C2orf74: variants seen among roughly 807,000 people sequenced by gnomAD.
C2orf74 encodes the protein uncharacterized protein C2orf74.
Under a neutral mutation model 17.9 loss-of-function variants are expected in C2orf74, and 14 were observed. That is an observed-to-expected ratio of 0.78 (90% CI 0.52 to 1.22). The LOEUF is 1.22. Among genes scored for constraint, C2orf74 ranks in the 50% most tolerant of loss-of-function variants. C2orf74 has a pLI of 0.00. For missense variants in C2orf74, 217 were observed against 218.4 expected (o/e 0.99, Z 0.04); for synonymous variants, 79 against 72.6 (o/e 1.09, Z -0.44).
rs757441213 is a variant in C2orf74 at position 61,164,478 on chromosome 2, A to G, written c.515A>G (p.Glu172Gly). Residue 172 changes from glutamate (E) to glycine (G), a missense_variant, in exon 5 of 5, where the codon GAA becomes GGA. Glu to Gly is a moderately conservative substitution (Grantham distance 98). Coordinates refer to ENST00000432605, the MANE Select transcript of C2orf74 (RefSeq NM_001143959.4). The stretch of plus-strand genomic sequence containing the variant: ...GTAATTGTTGTGGATCTTGGGAATG[A>G]ATACCCTACACCTCGAAGCTATACT... Reference protein sequence around the residue: ...REVIVVDLGNEYPTPRSYTRE... With the variant: ...REVIVVDLGNGYPTPRSYTRE... 8.6e-5 allele frequency: 133 copies of G among 1,550,820 alleles called. No individual in the cohort carries two copies. Among genetic ancestry groups the G allele is most frequent in the Non-Finnish European group, 2.4e-5 (28 of 1,146,710 alleles).
intron 1 of C2orf74, among the ~76,000 whole-genome samples, chr2:61,147,720 T>A (rs993700178): frequency 6.6e-6 from 1 of 152,198 alleles, no homozygotes; most frequent in Non-Finnish European, 1.5e-5. Flanking sequence ...CTTTAAAGAT[T>A]ATTTGTGTGG....
At chr2:61,157,241 A>G (rs946095416), upstream of C2orf74, among the ~76,000 whole-genome samples, 1 of 152,048 alleles carries the variant, frequency 6.6e-6, no homozygotes, top group African/African-American at 2.4e-5. Flanking sequence ...GGGTTTTACC[A>G]TGTTGGCCAG....
intron 1 of C2orf74, among the ~76,000 whole-genome samples, chr2:61,149,199 T>G (rs1312238143): frequency 6.6e-6 from 1 of 152,132 alleles, no homozygotes; most frequent in East Asian, 1.9e-4. Flanking sequence ...GTATCTGTAT[T>G]CAACAAGAAT....
chr2:61,163,042 A>T lies in C2orf74; in HGVS notation c.210-10A>T. The T allele has an allele frequency of 6.4e-7, 1 of 1,552,094 alleles. No individual in the cohort carries two copies. The highest frequency in any genetic ancestry group is 8.7e-7 in the Non-Finnish European group (1 of 1,146,970). ...ATGAATGTTTAAAACTCTACCGATT[A>T]ATTTTCTAGGATCTTAATGCAAGTC... On this transcript the variant is annotated splice_polypyrimidine_tract_variant and intron_variant, in intron 3 of 4. Transcript: ENST00000432605.
In C2orf74 at chr2:61,156,099, C is replaced by T. The variant is rs1226814715; in HGVS notation, c.-121-6743C>T. On this transcript the variant is annotated intron_variant, in intron 1 of 3. Transcript: ENST00000426997. Reference sequence around the variant, plus strand: ...CTGTAGTTCCAGCTACTCAGGAGGCCGAGGTGGGAGGATCACTTGACCCTG... The same window carrying T: ...CTGTAGTTCCAGCTACTCAGGAGGCTGAGGTGGGAGGATCACTTGACCCTG... Among the ~76,000 whole-genome samples the T allele has an allele frequency of 4.0e-5, 6 of 151,834 alleles. No individual in the cohort carries two copies. The East Asian group carries it at 1.2e-3, about 29-fold the overall frequency.
intron 1 of C2orf74, chr2:61,151,976 G>A (rs930355703): frequency 6.6e-6 from 1 of 152,354 alleles, no homozygotes; most frequent in African/African-American, 2.4e-5. Flanking sequence ...GTCTCTTAGA[G>A]ACAATGGCAT....
At chr2:61,160,380 A>G (rs1312327321), upstream of C2orf74, among the ~76,000 whole-genome samples, 13 of 152,144 alleles carry the variant, frequency 8.5e-5, no homozygotes, top group Admixed American at 8.5e-4. Context: ...AGGCTGGTCT[A>G]GAACTCCCCT....
chr2:61,159,517 A>G (rs1257652498), upstream of C2orf74: 1 of 171,636 alleles, frequency 5.8e-6, no homozygotes, highest in African/African-American at 2.4e-5. Context: ...GCTGGTCTCA[A>G]ACTCCTGACC....
rs368867764 is a variant in C2orf74 at position 61,163,251 on chromosome 2, C to G, written c.390+19C>G. The stretch of plus-strand genomic sequence containing the variant: ...AGAAGAGGTGATGTGTTTTTCTACT[C>G]TCAAAGAGCAGTTTAGAATTTGTTT... On this transcript the variant is annotated intron_variant, in intron 4 of 4. Coordinates refer to ENST00000432605, the MANE Select transcript of C2orf74 (RefSeq NM_001143959.4). 2.7e-5 allele frequency: 42 copies of G among 1,544,866 alleles called. No individual in the cohort carries two copies. The highest frequency in any genetic ancestry group is 3.7e-5 in the Non-Finnish European group (42 of 1,144,532).
chr2:61,160,571 C>T (rs1039879444), upstream of C2orf74, among the ~76,000 whole-genome samples: 3 of 151,698 alleles, frequency 2.0e-5, no homozygotes, highest in African/African-American at 7.3e-5. Context: ...TGCAATGGCA[C>T]GATCTTGGCT....
intron 1 of C2orf74, among the ~76,000 whole-genome samples, chr2:61,148,376 G>A (rs1685131589): frequency 6.6e-6 from 1 of 151,728 alleles, no homozygotes; most frequent in Admixed American, 6.6e-5. Flanking sequence ...TGGTAGAGAT[G>A]GGGTTTCACC....
At chr2:61,154,931 GGT>G (rs1685350047) in intron 1 of C2orf74, among the ~76,000 whole-genome samples, 1 of 152,012 alleles carries the variant, frequency 6.6e-6, no homozygotes, top group African/African-American at 2.4e-5. Flanking sequence ...TGGGTGTGGT[GGT>G]GCACGCCTGT....
chr2:61,154,695 A>G (rs935366588), intron 1 of C2orf74, among the ~76,000 whole-genome samples: 5 of 152,168 alleles, frequency 3.3e-5, no homozygotes, highest in African/African-American at 1.2e-4. Context: ...TACAGAGAGG[A>G]AAACATCTCC....
chr2:61,151,145 G>A (rs920182332), intron 1 of C2orf74, among the ~76,000 whole-genome samples: 10 of 151,502 alleles, frequency 6.6e-5, no homozygotes, highest in South Asian at 2.1e-4. Flanking sequence ...GTGAAACCCC[G>A]TCTCTACTAA....
chr2:61,145,968 G>A (rs1573699740), intron 1 of C2orf74, among the ~76,000 whole-genome samples: 1 of 152,230 alleles, frequency 6.6e-6, no homozygotes, highest in East Asian at 1.9e-4. Context: ...GGAGCAGAAT[G>A]CAGCAATCCT....
chr2:61,162,250 A>C lies in C2orf74; in HGVS notation c.-170A>C. 2.0e-6 allele frequency: 1 copy of C among 494,518 alleles called. No individual in the cohort carries two copies. Among genetic ancestry groups the C allele is most frequent in the South Asian group, 2.9e-5 (1 of 34,310 alleles). The allele number at this position is 494,518 out of a possible 1,614,324, so 30.6% of individuals were successfully genotyped here. A position where few individuals can be genotyped will look rare whatever the true frequency, so the allele number is the denominator to read the frequency against. On this transcript the variant is annotated 5_prime_UTR_variant, in exon 1 of 5. Coordinates refer to ENST00000432605, the MANE Select transcript of C2orf74 (RefSeq NM_001143959.4). ...TGAGGGAGGTGAGCTGCGTGATCACACATGTCCCAGCTCAGTCTCCCCTCT... is the reference window on the plus strand; with the variant it reads ...TGAGGGAGGTGAGCTGCGTGATCACCCATGTCCCAGCTCAGTCTCCCCTCT...
intron 1 of C2orf74, among the ~76,000 whole-genome samples, chr2:61,149,730 C>T (rs917291041): frequency 6.6e-6 from 1 of 151,964 alleles, no homozygotes; most frequent in African/African-American, 2.4e-5. Context: ...AGGCATGCAC[C>T]ACCACGCCTG....
chr2:61,157,767 C>A, upstream of C2orf74: 1 of 427,524 alleles, frequency 2.3e-6, no homozygotes, highest in Non-Finnish European at 4.9e-6. Flanking sequence ...AGTCCTGTGT[C>A]CACTGCCCCT....
At chr2:61,157,875 C>A (rs369008040), upstream of C2orf74, 20 of 471,050 alleles carry the variant, frequency 4.2e-5, no homozygotes. Flanking sequence ...TTCAACAGAT[C>A]ACATGGATCA....
Sources: allele counts gnomAD v4.1 joint callset (sites outside exome capture counted in the v4.1 genomes callset), GRCh38; gene constraint gnomAD v4.1.1; transcripts MANE v1.5; gene names NCBI Gene and HGNC (gene_info 2026-07-23, HGNC 2026-07-21).